Variants in EYA1 observed in about 807,000 individuals in gnomAD.
EYA1 encodes EYA transcriptional coactivator and phosphatase 1.
Under a neutral mutation model 82.0 loss-of-function variants are expected in EYA1, and 16 were observed. The observed-to-expected ratio is 0.20, with a 90% CI of 0.13 to 0.30. The LOEUF is 0.30. Ranked by LOEUF, EYA1 falls within the 10% of genes least tolerant of loss-of-function variation. EYA1 has a pLI of 1.00. For missense variants in EYA1, 633 were observed against 730.7 expected (o/e 0.87, Z 1.54); for synonymous variants, 261 against 264.4 (o/e 0.99, Z 0.12).
chr8:71,326,861 C>A (rs2129038254), intron 4 of EYA1, among the ~76,000 whole-genome samples: 1 of 152,250 alleles, frequency 6.6e-6, no homozygotes, highest in East Asian at 1.9e-4. Flanking sequence ...CATAAAGCAC[C>A]TTCCATGCAT....
intron 1 of EYA1, chr8:71,547,579 G>C (rs1815748342): frequency 6.6e-6 from 1 of 151,996 alleles, no homozygotes; most frequent in South Asian, 2.1e-4. Flanking sequence ...GGCGCTCGCT[G>C]AGAGTCGCGG....
intron 2 of EYA1, among the ~76,000 whole-genome samples, chr8:71,426,353 G>C (rs1033422485): frequency 6.6e-6 from 1 of 152,238 alleles, no homozygotes; most frequent in African/African-American, 2.4e-5. Context: ...AGGATGGCAG[G>C]ATATCAGATA....
chr8:71,318,833 T>G (rs1302808222), intron 6 of EYA1, among the ~76,000 whole-genome samples: 1 of 152,186 alleles, frequency 6.6e-6, no homozygotes, highest in Non-Finnish European at 1.5e-5. Context: ...GTGCCTACTT[T>G]AATTCCTGCA....
At chr8:71,469,424 G>T (rs1563644866) in intron 2 of EYA1, among the ~76,000 whole-genome samples, 1 of 152,056 alleles carries the variant, frequency 6.6e-6, no homozygotes, top group East Asian at 1.9e-4. Context: ...TGAAAATAGT[G>T]CCTATCTCAC....
intron 2 of EYA1, among the ~76,000 whole-genome samples, chr8:71,422,220 C>A (rs1291441929): frequency 6.6e-6 from 1 of 152,134 alleles, no homozygotes; most frequent in Non-Finnish European, 1.5e-5. Context: ...TTTTGTTATA[C>A]AGAGAAGTCA....
intron 14 of EYA1, 62 bp downstream of exon 14, chr8:71,216,630 G>A: frequency 6.6e-7 from 1 of 1,510,686 alleles, no homozygotes; most frequent in Non-Finnish European, 9.2e-7. Flanking sequence ...AAAGTGTACA[G>A]TACTTTTGGA....
intron 1 of EYA1, among the ~76,000 whole-genome samples, chr8:71,357,316 T>G (rs1408761788): frequency 1.3e-5 from 2 of 152,228 alleles, no homozygotes; most frequent in African/African-American, 4.8e-5. Context: ...TACATTTCAG[T>G]CTCTCTTGTT....
chr8:71,357,690 AT>A (rs1407871800), intron 1 of EYA1, among the ~76,000 whole-genome samples: 1 of 152,238 alleles, frequency 6.6e-6, no homozygotes, highest in East Asian at 1.9e-4. Context: ...GAAATAAGAA[AT>A]ACTACCTTTC....
chr8:71,335,005 G>C (rs1039762668), intron 3 of EYA1, among the ~76,000 whole-genome samples: 2 of 152,150 alleles, frequency 1.3e-5, no homozygotes, highest in African/African-American at 4.8e-5. Flanking sequence ...ATCTGCCTTT[G>C]TTCTCTCTAG....
chr8:71,439,502 T>A (rs1276127415), intron 2 of EYA1, among the ~76,000 whole-genome samples: 1 of 152,228 alleles, frequency 6.6e-6, no homozygotes, highest in Admixed American at 6.5e-5. Flanking sequence ...CTGTTAAATG[T>A]CTGAGCATGA....
At chr8:71,366,645 G>A (rs1447318174), upstream of EYA1, among the ~76,000 whole-genome samples, 1 of 152,224 alleles carries the variant, frequency 6.6e-6, no homozygotes, top group Non-Finnish European at 1.5e-5. Flanking sequence ...GAGGAAAGAA[G>A]GGAATTAGCA....
chr8:71,380,453 C>T (rs921715628), intron 2 of EYA1, among the ~76,000 whole-genome samples: 12 of 152,110 alleles, frequency 7.9e-5, no homozygotes, highest in South Asian at 4.1e-4. Context: ...CTTTCCACCA[C>T]GCATGCCATC....
chr8:71,546,508 C>CTTT (rs1448595609), intron 1 of EYA1, among the ~76,000 whole-genome samples: 2 of 135,832 alleles, frequency 1.5e-5, no homozygotes, highest in African/African-American at 6.1e-5. Context: ...TCTACTGATT[C>CTTT]TTATTTTTTT....
At chr8:71,369,030 TACAAAA>T (rs1827927904) in intron 2 of EYA1, among the ~76,000 whole-genome samples, 1 of 23,904 alleles carries the variant, frequency 4.2e-5, no homozygotes, top group Non-Finnish European at 8.2e-5. Context: ...CTACTAAAAA[TACAAAA>T]AAAAAAAAAA....
upstream of EYA1, among the ~76,000 whole-genome samples, chr8:71,366,520 G>T (rs1472888023): frequency 6.6e-6 from 1 of 152,128 alleles, no homozygotes; most frequent in Non-Finnish European, 1.5e-5. Context: ...AACCAATCTT[G>T]TCAGCACCTC....
At chr8:71,516,150 A>G (rs566751625) in intron 2 of EYA1, among the ~76,000 whole-genome samples, 4 of 152,246 alleles carry the variant, frequency 2.6e-5, no homozygotes, top group Non-Finnish European at 5.9e-5. Context: ...CCCAATACAT[A>G]CAGTTTGTCT....
intron 3 of EYA1, 148 bp downstream of exon 3, chr8:71,354,634 C>G: frequency 3.8e-6 from 3 of 782,788 alleles, no homozygotes; most frequent in Non-Finnish European, 6.4e-6. Context: ...ACAATGAGTA[C>G]TGATTGGTAA....
chr8:71,435,483 A>T (rs1169734643), intron 2 of EYA1, among the ~76,000 whole-genome samples: 2 of 152,052 alleles, frequency 1.3e-5, no homozygotes, highest in African/African-American at 4.8e-5. Context: ...TCTAAAATAA[A>T]GGTTTGTCTT....
At chr8:71,532,604 A>C (rs191073503) in intron 2 of EYA1, among the ~76,000 whole-genome samples, 1 of 152,294 alleles carries the variant, frequency 6.6e-6, no homozygotes, top group East Asian at 1.9e-4. Context: ...GTGTGAAAAA[A>C]CTTTCAAGAA....
Sources: gnomAD v4.1 joint callset for allele counts (sites outside exome capture counted in the v4.1 genomes callset) on GRCh38, gnomAD v4.1.1 for gene constraint, MANE v1.5 for transcripts, NCBI Gene and HGNC (gene_info 2026-07-23, HGNC 2026-07-21) for gene names.